FHIT: variants seen among roughly 807,000 people sequenced by gnomAD.
FHIT encodes the protein bis(5'-adenosyl)-triphosphatase.
Under a neutral mutation model 17.9 loss-of-function variants are expected in FHIT, and 19 were observed. The ratio of observed to expected loss-of-function variants is 1.06; its 90% CI spans 0.74 to 1.56. FHIT has a LOEUF of 1.56. Among genes scored for constraint, FHIT ranks in the 40% most tolerant of loss-of-function variants. The pLI, the probability that FHIT is intolerant of heterozygous loss-of-function variation, is 0.00. For synonymous variants in FHIT, 81 were observed against 69.7 expected (o/e 1.16, Z -0.81); for missense variants, 248 against 189.2 (o/e 1.31, Z -1.82).
intron 3 of FHIT, among the ~76,000 whole-genome samples, chr3:61,025,417 A>C (rs2032681442): frequency 6.6e-6 from 1 of 152,202 alleles, no homozygotes; most frequent in African/African-American, 2.4e-5. Flanking sequence ...AATGTCTCCA[A>C]AGTGCTAAAT....
chr3:60,335,189 T>G (rs1710175451), intron 5 of FHIT, among the ~76,000 whole-genome samples: 1 of 152,204 alleles, frequency 6.6e-6, no homozygotes, highest in African/African-American at 2.4e-5. Context: ...ATAGTCAATT[T>G]TATGGCTCTT....
intron 4 of FHIT, among the ~76,000 whole-genome samples, chr3:60,801,935 T>C (rs1701205684): frequency 6.6e-6 from 1 of 152,238 alleles, no homozygotes; most frequent in Admixed American, 6.5e-5. Context: ...ATTCCTACAT[T>C]GAAAGAAATC....
intron 4 of FHIT, among the ~76,000 whole-genome samples, chr3:60,538,328 T>C (rs533140561): frequency 2.0e-5 from 3 of 152,320 alleles, no homozygotes; most frequent in Non-Finnish European, 2.9e-5. Flanking sequence ...TGCTCATGGA[T>C]AGGAAGAACC....
intron 5 of FHIT, among the ~76,000 whole-genome samples, chr3:60,341,440 C>T (rs1352764050): frequency 6.6e-6 from 1 of 152,306 alleles, no homozygotes; most frequent in Non-Finnish European, 1.5e-5. Flanking sequence ...GAACCAGGCC[C>T]ACGTGGAGAC....
intron 3 of FHIT, among the ~76,000 whole-genome samples, chr3:61,029,639 GCAC>G (rs2032914045): frequency 1.3e-5 from 2 of 152,174 alleles, no homozygotes; most frequent in South Asian, 4.1e-4. Flanking sequence ...GTTTCTAAAT[GCAC>G]CACAACTGAG....
chr3:60,849,638 G>A (rs1277676554), intron 3 of FHIT, among the ~76,000 whole-genome samples: 2 of 151,934 alleles, frequency 1.3e-5, no homozygotes, highest in Non-Finnish European at 2.9e-5. Flanking sequence ...AGAGCAGTCT[G>A]ATTTACTTTG....
chr3:60,852,865 G>T (rs1243399896), intron 3 of FHIT, among the ~76,000 whole-genome samples: 1 of 151,890 alleles, frequency 6.6e-6, no homozygotes, highest in Non-Finnish European at 1.5e-5. Context: ...TTCAAAAAAA[G>T]AAATATTCCA....
intron 4 of FHIT, among the ~76,000 whole-genome samples, chr3:60,672,320 G>A (rs998506630): frequency 7.9e-5 from 12 of 150,954 alleles, no homozygotes; most frequent in Non-Finnish European, 8.8e-5. Flanking sequence ...AGGGAGATAA[G>A]GGTGGGGCCA....
intron 4 of FHIT, among the ~76,000 whole-genome samples, chr3:60,709,586 T>C (rs1344714242): frequency 1.3e-5 from 2 of 152,212 alleles, no homozygotes; most frequent in African/African-American, 4.8e-5. Context: ...TTTGTAACAG[T>C]GCACATTGCT....
chr3:60,618,706 A>G (rs2039026185), intron 4 of FHIT, among the ~76,000 whole-genome samples: 1 of 152,182 alleles, frequency 6.6e-6, no homozygotes, highest in South Asian at 2.1e-4. Context: ...TTAAGTTGAA[A>G]TTTGATTAAG....
At chr3:60,890,385 G>A (rs116188070) in intron 3 of FHIT, among the ~76,000 whole-genome samples, 1,670 of 152,236 alleles carry the variant, frequency 0.011, 31 homozygotes, top group African/African-American at 0.038. Flanking sequence ...CCTAGTGATT[G>A]ACCCAGCCTA....
intron 5 of FHIT, among the ~76,000 whole-genome samples, chr3:60,144,961 T>G (rs1314648454): frequency 6.6e-6 from 1 of 152,160 alleles, no homozygotes; most frequent in Admixed American, 6.5e-5. Flanking sequence ...GGGCGTGTGA[T>G]GCACTATGAA....
intron 3 of FHIT, chr3:60,856,496 T>A (rs552063690): frequency 2.6e-5 from 4 of 152,178 alleles, no homozygotes; most frequent in Non-Finnish European, 4.4e-5. Context: ...ACGAGCTTCG[T>A]GCTCGGGAGA....
intron 5 of FHIT, among the ~76,000 whole-genome samples, chr3:60,356,509 G>A (rs1699656824): frequency 6.6e-6 from 1 of 151,986 alleles, no homozygotes; most frequent in Non-Finnish European, 1.5e-5. Flanking sequence ...ACTAGTGTAG[G>A]TAATTGTCCT....
chr3:60,068,860 G>C (rs1194577693), intron 5 of FHIT, among the ~76,000 whole-genome samples: 3 of 152,156 alleles, frequency 2.0e-5, no homozygotes, highest in South Asian at 4.1e-4. Context: ...AAGAATCTAT[G>C]CTAAATGATT....
intron 8 of FHIT, among the ~76,000 whole-genome samples, chr3:59,790,911 A>G (rs1427766039): frequency 6.6e-6 from 1 of 152,080 alleles, no homozygotes; most frequent in Non-Finnish European, 1.5e-5. Flanking sequence ...CTATTGGAGC[A>G]TTAGTAAAGC....
chr3:61,018,637 A>C (rs1261769431), intron 3 of FHIT, among the ~76,000 whole-genome samples: 1 of 152,214 alleles, frequency 6.6e-6, no homozygotes, highest in Non-Finnish European at 1.5e-5. Context: ...AAGATTTCTA[A>C]GGCTACTGAG....
intron 5 of FHIT, among the ~76,000 whole-genome samples, chr3:60,270,175 C>T (rs865808463): frequency 9.2e-5 from 14 of 152,132 alleles, no homozygotes; most frequent in South Asian, 2.1e-4. Flanking sequence ...CCAGGCCACG[C>T]AGGCGCATGG....
chr3:60,179,726 G>T (rs368450370), intron 5 of FHIT, among the ~76,000 whole-genome samples: 96 of 152,172 alleles, frequency 6.3e-4, no homozygotes, highest in African/African-American at 2.1e-3. Flanking sequence ...AGAAATCCAA[G>T]GTCATGAAAA....
Sources: gnomAD v4.1 joint callset for allele counts (sites outside exome capture counted in the v4.1 genomes callset) on GRCh38, gnomAD v4.1.1 for gene constraint, MANE v1.5 for transcripts, NCBI Gene and HGNC (gene_info 2026-07-23, HGNC 2026-07-21) for gene names.